FMNL2: variants seen among roughly 807,000 people sequenced by gnomAD.
FMNL2 encodes the protein formin-like protein 2.
In FMNL2, 51 loss-of-function variants were observed where a neutral mutation model predicts 130.2. That is an observed-to-expected ratio of 0.39 (90% CI 0.31 to 0.49). FMNL2 has a LOEUF of 0.49. FMNL2 is among the 20% of genes least tolerant of loss of function. The probability of loss-of-function intolerance (pLI) is 0.85; values close to 1 mark genes in which losing one functional copy is unlikely to be tolerated. For missense variants in FMNL2, 977 were observed against 1,316.2 expected (o/e 0.74, Z 3.99); for synonymous variants, 465 against 467.1 (o/e 1.00, Z 0.06).
At chr2:152,641,981 C>T (rs1230270186) in intron 25 of FMNL2, among the ~76,000 whole-genome samples, 1 of 151,586 alleles carries the variant, frequency 6.6e-6, no homozygotes, top group Non-Finnish European at 1.5e-5. Context: ...CATTCTGTTG[C>T]CCAGGCTGGA....
At chr2:152,438,350 G>A (rs1420498630) in intron 1 of FMNL2, among the ~76,000 whole-genome samples, 2 of 152,168 alleles carry the variant, frequency 1.3e-5, no homozygotes, top group Non-Finnish European at 2.9e-5. Flanking sequence ...AAATTCAGAT[G>A]CCCTCAAGGG....
At position 152,349,354 on chromosome 2, in the gene FMNL2, A is replaced by G. The variant is rs547573133; in HGVS notation, c.117+13634A>G. 2.0e-5 allele frequency among the ~76,000 whole-genome samples: 3 copies of G among 152,260 alleles called. No homozygotes were observed. The South Asian group carries it at 6.2e-4, about 32-fold the overall frequency. On this transcript the variant is annotated intron_variant, in intron 1 of 25. Transcript: ENST00000288670. ...GATGCTCATGACAACTTTTCCAGGG[A>G]GGTATTGTCTTCCTTTTACTAATGA...
intron 1 of FMNL2, among the ~76,000 whole-genome samples, chr2:152,485,879 C>G (rs2105258292): frequency 6.6e-6 from 1 of 152,254 alleles, no homozygotes; most frequent in Admixed American, 6.5e-5. Context: ...CAAAAGAAAG[C>G]TTTTAACAAA....
chr2:152,412,446 T>TTTTTTATA (rs1269957835), intron 1 of FMNL2, among the ~76,000 whole-genome samples: 1 of 103,252 alleles, frequency 9.7e-6, no homozygotes, highest in Non-Finnish European at 1.8e-5. Context: ...TCTGTATATT[T>TTTTTTATA]TATATATATA....
intron 1 of FMNL2, among the ~76,000 whole-genome samples, chr2:152,410,173 T>C (rs1355178145): frequency 6.6e-6 from 1 of 152,202 alleles, no homozygotes; most frequent in Non-Finnish European, 1.5e-5. Context: ...TCCAAGTGCT[T>C]GCTGTCGATA....
intron 1 of FMNL2, among the ~76,000 whole-genome samples, chr2:152,391,725 A>G (rs1685117706): frequency 6.6e-6 from 1 of 150,480 alleles, no homozygotes; most frequent in African/African-American, 2.5e-5. Context: ...CTATGGTATC[A>G]GATTTCCTGA....
intron 1 of FMNL2, among the ~76,000 whole-genome samples, chr2:152,412,576 G>C (rs550794030): frequency 1.5e-4 from 22 of 149,430 alleles, no homozygotes; most frequent in African/African-American, 4.9e-4. Flanking sequence ...GAAGGCAGAG[G>C]TGGGCAGATT....
chr2:152,585,920 CAAAAA>C (rs34744900), intron 9 of FMNL2, among the ~76,000 whole-genome samples: 3 of 130,012 alleles, frequency 2.3e-5, no homozygotes, highest in Non-Finnish European at 3.3e-5. Flanking sequence ...AAAGGTTTGG[CAAAAA>C]AAAAAAAAAA....
chr2:152,366,919 G>A (rs1579492866), intron 1 of FMNL2, among the ~76,000 whole-genome samples: 2 of 152,276 alleles, frequency 1.3e-5, no homozygotes, highest in East Asian at 3.9e-4. Flanking sequence ...TTCATCTGAA[G>A]GATGGAGGTG....
intron 6 of FMNL2, among the ~76,000 whole-genome samples, chr2:152,570,710 G>A (rs984057958): frequency 1.2e-4 from 18 of 152,170 alleles, no homozygotes; most frequent in African/African-American, 4.1e-4. Flanking sequence ...CAAGTCACCA[G>A]AGAGACCTGA....
At chr2:152,466,243 C>T (rs1401552608) in intron 1 of FMNL2, among the ~76,000 whole-genome samples, 1 of 152,186 alleles carries the variant, frequency 6.6e-6, no homozygotes, top group African/African-American at 2.4e-5. Context: ...TGCCCTCCTG[C>T]CCGCTGCGGG....
chr2:152,376,936 TTA>T, intron 1 of FMNL2, among the ~76,000 whole-genome samples: 1 of 152,164 alleles, frequency 6.6e-6, no homozygotes, highest in South Asian at 2.1e-4. Context: ...ACTCTGAGGA[TTA>T]GAGGACTGAT....
intron 13 of FMNL2, among the ~76,000 whole-genome samples, chr2:152,617,658 A>G (rs899978645): frequency 6.0e-5 from 9 of 148,792 alleles, no homozygotes; most frequent in Middle Eastern, 3.5e-3. Context: ...CACCAAAAAA[A>G]GGGAGGGGAT....
intron 1 of FMNL2, among the ~76,000 whole-genome samples, chr2:152,393,654 G>C (rs1685235737): frequency 6.6e-6 from 1 of 152,072 alleles, no homozygotes; most frequent in Non-Finnish European, 1.5e-5. Flanking sequence ...TTTATTAACA[G>C]GTTGTATTTT....
chr2:152,628,248 G>C, intron 17 of FMNL2, 51 bp from the exon 18 acceptor site: 2 of 1,483,948 alleles, frequency 1.3e-6, no homozygotes, highest in African/African-American at 1.4e-5. Flanking sequence ...ACTTGAAAAG[G>C]GGGTAGGAGG....
intron 1 of FMNL2, among the ~76,000 whole-genome samples, chr2:152,520,329 C>T (rs548598005): frequency 2.4e-4 from 36 of 152,222 alleles, no homozygotes; most frequent in African/African-American, 7.0e-4. Context: ...CATGGTGGCT[C>T]ACGCCTGTAA....
At chr2:152,363,045 G>A (rs143847993) in intron 1 of FMNL2, among the ~76,000 whole-genome samples, 337 of 152,292 alleles carry the variant, frequency 2.2e-3, no homozygotes, top group African/African-American at 7.8e-3. Context: ...TGTGAGGATT[G>A]GAGTGGTTGA....
Position 152,600,256 on chromosome 2 carries a change from G to A in FMNL2, c.877-7083G>A, listed in dbSNP as rs374289964. On this transcript the variant is annotated intron_variant, in intron 9 of 25. Coordinates refer to ENST00000288670, the MANE Select transcript of FMNL2 (RefSeq NM_052905.4). ...GCAGGGAGCCTTGCAGATCACAGGG[G>A]CCTATTGTAAGAGGAGAAAAAGAAA... 5.9e-5 allele frequency among the ~76,000 whole-genome samples: 9 copies of A among 152,318 alleles called. No individual in the cohort carries two copies. The East Asian group carries it at 1.2e-3, about 20-fold the overall frequency.
chr2:152,436,478 T>C (rs897431361), intron 1 of FMNL2, among the ~76,000 whole-genome samples: 1 of 152,186 alleles, frequency 6.6e-6, no homozygotes, highest in Non-Finnish European at 1.5e-5. Context: ...AACTACATGG[T>C]ATCTACTATA....
Sources: allele counts gnomAD v4.1 joint callset (sites outside exome capture counted in the v4.1 genomes callset), GRCh38; gene constraint gnomAD v4.1.1; transcripts MANE v1.5; gene names NCBI Gene and HGNC (gene_info 2026-07-23, HGNC 2026-07-21).